Variants in NR2F1-AS1 observed in about 807,000 individuals in gnomAD.
The protein encoded by NR2F1-AS1 is NR2F1 regulatory antisense RNA 1, also known as NR2F1 antisense RNA 1.
At chr5:93,584,251 C>T (rs1753182518), upstream of NR2F1-AS1, 1 of 149,066 alleles carries the variant, frequency 6.7e-6, no homozygotes, top group Admixed American at 6.7e-5. Context: ...CCCGGCTCCT[C>T]CAGCGGCGCT....
intron 4 of NR2F1-AS1, among the ~76,000 whole-genome samples, chr5:93,424,838 G>C (rs1749161888): frequency 6.6e-6 from 1 of 152,104 alleles, no homozygotes; most frequent in African/African-American, 2.4e-5. Flanking sequence ...GCAATTTAAA[G>C]AAAAATTAAT....
exon 3 of NR2F1-AS1, chr5:93,554,922 A>G (rs959437305): frequency 6.6e-6 from 1 of 152,202 alleles, no homozygotes; most frequent in Non-Finnish European, 1.5e-5. Flanking sequence ...CTCCTCTTGC[A>G]TATGGAAATA....
At chr5:93,472,471 A>T (rs1750387077) in intron 4 of NR2F1-AS1, among the ~76,000 whole-genome samples, 1 of 151,898 alleles carries the variant, frequency 6.6e-6, no homozygotes, top group South Asian at 2.1e-4. Context: ...TAAAAATAGA[A>T]ATATGTAAAT....
chr5:93,458,776 G>A (rs772314904), intron 4 of NR2F1-AS1, among the ~76,000 whole-genome samples: 5 of 152,094 alleles, frequency 3.3e-5, no homozygotes, highest in Non-Finnish European at 4.4e-5. Flanking sequence ...TTGGGAGGCC[G>A]AGGAGAGTGG....
intron 4 of NR2F1-AS1, among the ~76,000 whole-genome samples, chr5:93,463,667 A>G (rs1750153534): frequency 6.6e-6 from 1 of 152,236 alleles, no homozygotes; most frequent in Non-Finnish European, 1.5e-5. Flanking sequence ...GGAACTGCCC[A>G]AGACCATGGG....
intron 4 of NR2F1-AS1, among the ~76,000 whole-genome samples, chr5:93,534,835 C>A (rs1489117891): frequency 6.6e-6 from 1 of 152,194 alleles, no homozygotes; most frequent in Non-Finnish European, 1.5e-5. Flanking sequence ...AGGTTCACCA[C>A]CACCTACATT....
At chr5:93,484,468 GA>G (rs1389642905) in intron 4 of NR2F1-AS1, among the ~76,000 whole-genome samples, 1 of 152,066 alleles carries the variant, frequency 6.6e-6, no homozygotes, top group Admixed American at 6.6e-5. Context: ...ACATGGAAAG[GA>G]AAAACTGGTA....
chr5:93,450,404 T>A (rs753647945), intron 4 of NR2F1-AS1, among the ~76,000 whole-genome samples: 3 of 152,214 alleles, frequency 2.0e-5, no homozygotes, highest in Non-Finnish European at 4.4e-5. Context: ...TGAAACACTC[T>A]TATTTTGAAG....
intron 4 of NR2F1-AS1, among the ~76,000 whole-genome samples, chr5:93,480,265 G>A (rs1266864772): frequency 6.6e-6 from 1 of 151,972 alleles, no homozygotes; most frequent in Non-Finnish European, 1.5e-5. Flanking sequence ...CTTGAAATCA[G>A]CAAGAGAGAA....
rs1049549989 is a variant in NR2F1-AS1, at chr5:93,443,185, A to C, written n.639-47643T>G. Among the ~76,000 whole-genome samples the C allele has an allele frequency of 3.3e-5, 5 of 152,340 alleles. No homozygotes were observed. The East Asian group carries it at 9.7e-4, about 29-fold the overall frequency. ...CTCACCAGCAATGGAACAAAGCTGC[A>C]TGGAGAATGACTTTGACGAGTTGAG... On this transcript the variant is annotated intron_variant and non_coding_transcript_variant, in intron 4 of 5. Transcript: ENST00000660523.
At chr5:93,421,048 G>C (rs955328943) in intron 4 of NR2F1-AS1, among the ~76,000 whole-genome samples, 1 of 152,130 alleles carries the variant, frequency 6.6e-6, no homozygotes, top group Non-Finnish European at 1.5e-5. Context: ...GAGCCCTAAG[G>C]AATAAAGTTT....
chr5:93,442,401 C>A (rs937147727), intron 4 of NR2F1-AS1, among the ~76,000 whole-genome samples: 2 of 152,198 alleles, frequency 1.3e-5, no homozygotes, highest in Non-Finnish European at 2.9e-5. Context: ...ATATCCTGCA[C>A]CTGGCTCGGA....
chr5:93,479,583 A>G (rs1207539635), intron 4 of NR2F1-AS1, among the ~76,000 whole-genome samples: 2 of 152,230 alleles, frequency 1.3e-5, no homozygotes, highest in Non-Finnish European at 2.9e-5. Flanking sequence ...AAATTGCCAC[A>G]TTACGGTATT....
chr5:93,454,673 C>T (rs1749907657), intron 4 of NR2F1-AS1, among the ~76,000 whole-genome samples: 1 of 152,172 alleles, frequency 6.6e-6, no homozygotes, highest in African/African-American at 2.4e-5. Flanking sequence ...AAGGTTGGAA[C>T]TTTTAGCTCT....
intron 4 of NR2F1-AS1, among the ~76,000 whole-genome samples, chr5:93,454,097 G>C (rs1398374190): frequency 1.3e-5 from 2 of 152,122 alleles, no homozygotes; most frequent in Non-Finnish European, 2.9e-5. Flanking sequence ...AATATGGCAA[G>C]ACCTCATCCC....
chr5:93,476,754 A>T (rs1419577759), intron 4 of NR2F1-AS1, among the ~76,000 whole-genome samples: 1 of 152,150 alleles, frequency 6.6e-6, no homozygotes, highest in Non-Finnish European at 1.5e-5. Flanking sequence ...TTGAGGAAGA[A>T]GATAACCTGC....
intron 4 of NR2F1-AS1, among the ~76,000 whole-genome samples, chr5:93,455,843 G>GCACACACACA (rs148016646): frequency 6.9e-6 from 1 of 145,786 alleles, no homozygotes; most frequent in African/African-American, 2.5e-5. Context: ...ACACACACAC[G>GCACACACACA]CACACACACA....
chr5:93,445,287 A>C (rs2149854382), intron 4 of NR2F1-AS1, among the ~76,000 whole-genome samples: 1 of 152,332 alleles, frequency 6.6e-6, no homozygotes, highest in South Asian at 2.1e-4. Flanking sequence ...GGATCAACAA[A>C]ATTGATAGAC....
chr5:93,413,939 T>C (rs1251143672), intron 4 of NR2F1-AS1, among the ~76,000 whole-genome samples: 1 of 152,164 alleles, frequency 6.6e-6, no homozygotes, highest in Non-Finnish European at 1.5e-5. Flanking sequence ...TGAGATCTTT[T>C]TGAGTTAGGA....
Sources: gnomAD v4.1 joint callset for allele counts (sites outside exome capture counted in the v4.1 genomes callset) on GRCh38, gnomAD v4.1.1 for gene constraint, MANE v1.5 for transcripts, NCBI Gene and HGNC (gene_info 2026-07-23, HGNC 2026-07-21) for gene names.